Variants in CNR2 observed in about 807,000 individuals in gnomAD.
CNR2 encodes the protein cannabinoid receptor 2, also known as cannabinoid receptor 2 (macrophage).
For missense variants in CNR2, 379 were observed against 439.9 expected (o/e 0.86, Z 1.24); for synonymous variants, 172 against 182.2 (o/e 0.94, Z 0.45).
chr1:23,888,828 G>T (rs1209050582), intron 1 of CNR2, among the ~76,000 whole-genome samples: 2 of 152,134 alleles, frequency 1.3e-5, no homozygotes, highest in African/African-American at 4.8e-5. Flanking sequence ...AATTAGCCAG[G>T]AGTGGGGGCA....
At chr1:23,887,865 A>T (rs1640118071) in intron 1 of CNR2, among the ~76,000 whole-genome samples, 1 of 152,212 alleles carries the variant, frequency 6.6e-6, no homozygotes, top group South Asian at 2.1e-4. Context: ...TTAAAAAAAA[A>T]AAATTAACCG....
chr1:23,896,941 A>T (rs1246426410), intron 1 of CNR2, among the ~76,000 whole-genome samples: 1 of 149,424 alleles, frequency 6.7e-6, no homozygotes, highest in Non-Finnish European at 1.5e-5. Context: ...GCTGGAATAC[A>T]GTGGCGAGAT....
rs183583549 is a variant in CNR2, at chr1:23,874,585, T to C, written c.1033A>G (p.Lys345Glu). 1.2e-6 allele frequency: 2 copies of C among 1,614,086 alleles called. No individual in the cohort carries two copies. Among genetic ancestry groups the C allele is most frequent in the East Asian group, 4.5e-5 (2 of 44,866 alleles). ...SSVTETEADGKITPWPDSRDL... is the reference protein window; with the variant it reads ...SSVTETEADGEITPWPDSRDL... ...CTGGAATCTGGCCACGGAGTGATTT[T>C]CCCATCAGCCTCTGTCTCGGTGACT... The change falls in exon 2 of 2, where the codon AAA becomes GAA. Residue 345 changes from lysine (K) to glutamate (E), a missense_variant. Transcript: ENST00000374472.
intron 1 of CNR2, among the ~76,000 whole-genome samples, chr1:23,900,593 G>A (rs1004424208): frequency 1.6e-4 from 23 of 143,636 alleles, no homozygotes; most frequent in Non-Finnish European, 2.7e-4. Context: ...TGAAACCTCC[G>A]CCTCCCAGGT....
At chr1:23,885,287 T>A (rs1408772250) in intron 1 of CNR2, among the ~76,000 whole-genome samples, 1 of 151,756 alleles carries the variant, frequency 6.6e-6, no homozygotes, top group East Asian at 1.9e-4. Context: ...AAAAAAGCTA[T>A]TAATTAATGA....
At chr1:23,894,644 ATAATAAT>A (rs1557530276) in intron 1 of CNR2, among the ~76,000 whole-genome samples, 16 of 146,800 alleles carry the variant, frequency 1.1e-4, no homozygotes, top group Admixed American at 1.4e-4. Context: ...TGTATTATAA[ATAATAAT>A]AATAAAAAAA....
chr1:23,905,332 C>T (rs1640470861), intron 1 of CNR2, among the ~76,000 whole-genome samples: 1 of 151,498 alleles, frequency 6.6e-6, no homozygotes, highest in Non-Finnish European at 1.5e-5. Context: ...AGGTACCCGA[C>T]ACCACGCCAG....
rs1168010488 is a variant in CNR2 at position 23,874,629 on chromosome 1, T to G, written c.989A>C (p.Glu330Ala). ...CVRGLGSEAKEEAPRSSVTET... is the reference protein window; with the variant it reads ...CVRGLGSEAKAEAPRSSVTET... ...GGTGACTGAGGATCTCGGGGCTTCT[T>G]CTTTTGCCTCTGACCCAAGGCCCCT... Residue 330 changes from glutamate (E) to alanine (A), a missense_variant, in exon 2 of 2, where the codon GAA (glutamate) becomes GCA (alanine). Physicochemically the swap from Glu to Ala is moderately radical, Grantham distance 107. Transcript: ENST00000374472. 5.0e-6 allele frequency: 8 copies of G among 1,613,998 alleles called. No homozygotes were observed. The Admixed American group carries it at 5.0e-5, about 10-fold the overall frequency.
intron 1 of CNR2, among the ~76,000 whole-genome samples, chr1:23,900,201 G>C (rs920983157): frequency 6.6e-6 from 1 of 151,880 alleles, no homozygotes; most frequent in South Asian, 2.1e-4. Context: ...GGACAGCTTC[G>C]ACCCCCTGTG....
chr1:23,886,021 C>CT (rs1640083416), intron 1 of CNR2, among the ~76,000 whole-genome samples: 1 of 151,436 alleles, frequency 6.6e-6, no homozygotes, highest in Non-Finnish European at 1.5e-5. Context: ...AACACCGTCT[C>CT]TACTAAAAAT....
At chr1:23,897,481 A>ATT (rs35662001) in intron 1 of CNR2, among the ~76,000 whole-genome samples, 119,711 of 149,962 alleles carry the variant, frequency 0.8, 47,896 homozygotes, top group Admixed American at 0.83. Flanking sequence ...TGTTAATAGA[A>ATT]TTTTTTTTTT....
chr1:23,892,720 A>T (rs1014407257), intron 1 of CNR2, among the ~76,000 whole-genome samples: 1 of 152,158 alleles, frequency 6.6e-6, no homozygotes, highest in Non-Finnish European at 1.5e-5. Context: ...ACTCTTTTTA[A>T]GGAAAGAATG....
chr1:23,894,245 A>G (rs2148465885), intron 1 of CNR2, among the ~76,000 whole-genome samples: 1 of 151,720 alleles, frequency 6.6e-6, no homozygotes, highest in South Asian at 2.1e-4. Flanking sequence ...ACATGGTGAA[A>G]CTTCATCTCT....
rs1365848509 is a variant in CNR2 at position 23,871,603 on chromosome 1, A to C, written c.*2932T>G. ...GGATGCAGAGGTCAACCTGGAGCTCATCTTGTTGAGGGAGGATAAACTAGT... is the reference window on the plus strand; with the variant it reads ...GGATGCAGAGGTCAACCTGGAGCTCCTCTTGTTGAGGGAGGATAAACTAGT... On this transcript the variant is annotated 3_prime_UTR_variant, in exon 2 of 2. Transcript: ENST00000374472. 6.6e-6 allele frequency: 1 copy of C among 152,150 alleles called. No homozygotes were observed. Among genetic ancestry groups the C allele is most frequent in the Non-Finnish European group, 1.5e-5 (1 of 68,044 alleles). 9.4% of individuals were successfully genotyped at this position (152,150 alleles called of 1,614,324 possible).
At chr1:23,887,129 T>C (rs1360854165) in intron 1 of CNR2, among the ~76,000 whole-genome samples, 1 of 152,076 alleles carries the variant, frequency 6.6e-6, no homozygotes, top group Non-Finnish European at 1.5e-5. Flanking sequence ...TGGTAACCTT[T>C]GTTGAGTGTT....
rs577315112 is a variant in CNR2, at chr1:23,888,967, T to TA, written c.-45-13306dup. Among the ~76,000 whole-genome samples the TA allele has an allele frequency of 1.8e-4, 27 of 151,998 alleles. No homozygotes were observed. In the East Asian group the frequency reaches 5.2e-3, roughly 29 times the overall value. On this transcript the variant is annotated intron_variant, in intron 1 of 1. Transcript: ENST00000374472. ...CTGGGCAATAAAGCTAGATTCAGTT[T>TA]AAAAAAATAAATAAATAAATAAAGA...
At chr1:23,899,921 GA>G (rs761997702) in intron 1 of CNR2, among the ~76,000 whole-genome samples, 96,186 of 105,534 alleles carry the variant, frequency 0.91, 43,600 homozygotes, top group East Asian at 0.97. Context: ...AAGAAAGAAA[GA>G]GAAAGAAAGA....
chr1:23,878,888 T>C (rs1185716570), intron 1 of CNR2, among the ~76,000 whole-genome samples: 1 of 152,186 alleles, frequency 6.6e-6, no homozygotes, highest in African/African-American at 2.4e-5. Flanking sequence ...TAGAATTTTA[T>C]ACCCAGCTAA....
intron 1 of CNR2, among the ~76,000 whole-genome samples, chr1:23,888,153 A>T (rs899036373): frequency 6.6e-6 from 1 of 152,192 alleles, no homozygotes; most frequent in African/African-American, 2.4e-5. Context: ...TTCAGGACAC[A>T]TGTCCACTGA....
Sources: allele counts gnomAD v4.1 joint callset (sites outside exome capture counted in the v4.1 genomes callset), GRCh38; gene constraint gnomAD v4.1.1; transcripts MANE v1.5; gene names NCBI Gene and HGNC (gene_info 2026-07-23, HGNC 2026-07-21).